Variants in NEXMIF observed in about 807,000 individuals in gnomAD.
NEXMIF encodes the protein neurite extension and migration factor, also known as XLMR protein related to neurite extension.
Under a neutral mutation model 62.1 loss-of-function variants are expected in NEXMIF, and 8 were observed. The observed-to-expected ratio is 0.13, with a 90% CI of 0.08 to 0.23. The LOEUF is 0.23. NEXMIF is among the 10% of genes least tolerant of loss of function. The probability of loss-of-function intolerance (pLI) is 1.00; values close to 1 mark genes in which losing one functional copy is unlikely to be tolerated. For synonymous variants in NEXMIF, 404 were observed against 416.6 expected, an observed-to-expected ratio of 0.97 and a Z score of 0.37; for missense variants, 976 against 1,113.3, an observed-to-expected ratio of 0.88 and a Z score of 1.75.
intron 1 of NEXMIF, among the ~76,000 whole-genome samples, chrX:74,791,184 G>C (rs1487119187): frequency 9.0e-6 from 1 of 111,711 alleles, no homozygotes; most frequent in African/African-American, 3.3e-5. Flanking sequence ...TTTTTAGCGT[G>C]AATGGTTGTT....
intron 1 of NEXMIF, among the ~76,000 whole-genome samples, chrX:74,842,870 C>T (rs1602247305): frequency 8.9e-6 from 1 of 112,033 alleles, no homozygotes; most frequent in African/African-American, 3.2e-5. Context: ...TTTGCAGTTG[C>T]TGACGATTGT....
chrX:74,791,940 A>AT (rs992323261), intron 1 of NEXMIF, among the ~76,000 whole-genome samples: 26 of 110,834 alleles, frequency 2.3e-4, no homozygotes, highest in Admixed American at 4.8e-4. Context: ...GGATTCACTG[A>AT]TTTTTTTGAA....
At chrX:74,904,037 C>T (rs960926900) in intron 1 of NEXMIF, among the ~76,000 whole-genome samples, 1 of 110,033 alleles carries the variant, frequency 9.1e-6, no homozygotes, top group African/African-American at 3.3e-5. Context: ...AGCACCCCAC[C>T]TCACTCCTCA....
chrX:74,865,522 C>A (rs2080575548), intron 1 of NEXMIF, among the ~76,000 whole-genome samples: 1 of 112,349 alleles, frequency 8.9e-6, no homozygotes, highest in Non-Finnish European at 1.9e-5. Context: ...ACTCAAGCCT[C>A]CTGCAGAAAT....
In NEXMIF at chrX:74,742,973, T is replaced by C. The variant is rs1316299208; in HGVS notation, c.1584A>G (p.Arg528=). 1.7e-6 allele frequency: 2 copies of C among 1,209,477 alleles called. No individual in the cohort carries two copies. Among genetic ancestry groups the C allele is most frequent in the Non-Finnish European group, 2.2e-6 (2 of 895,063 alleles). ...GGGGCTCCTTACGGGTTACTTTTCT[T>C]CTCTTTTTGGGACACCATTCATCAT... The part of the protein sequence containing the change: ...EDDDEWCPKK[R]RKVTRKEPPV... The change falls in exon 3 of 4, where the codon AGA becomes AGG. Residue 528 remains arginine (R), a synonymous_variant. Coordinates refer to ENST00000055682, the MANE Select transcript of NEXMIF (RefSeq NM_001008537.3).
At chrX:74,830,665 T>C (rs2080433128) in intron 1 of NEXMIF, among the ~76,000 whole-genome samples, 1 of 112,273 alleles carries the variant, frequency 8.9e-6, no homozygotes, top group Non-Finnish European at 1.9e-5. Context: ...TTAACAATAT[T>C]GATTCTTCCA....
chrX:74,763,660 T>A (rs1356125702), intron 1 of NEXMIF, among the ~76,000 whole-genome samples: 1 of 111,695 alleles, frequency 9.0e-6, no homozygotes, highest in Non-Finnish European at 1.9e-5. Flanking sequence ...TGGTTTGTAG[T>A]TCTCCTTAAA....
chrX:74,850,870 C>CA (rs1227554745), intron 1 of NEXMIF, among the ~76,000 whole-genome samples: 2 of 109,031 alleles, frequency 1.8e-5, no homozygotes, highest in African/African-American at 3.3e-5. Flanking sequence ...AAAAGATCCC[C>CA]AAAAAAAGAG....
At chrX:74,865,858 C>T (rs2147501822) in intron 1 of NEXMIF, among the ~76,000 whole-genome samples, 1 of 111,938 alleles carries the variant, frequency 8.9e-6, no homozygotes, top group Non-Finnish European at 1.9e-5. Flanking sequence ...TTGGGAACCT[C>T]TGCCTAGATT....
intron 1 of NEXMIF, among the ~76,000 whole-genome samples, chrX:74,915,685 G>A (rs1355430314): frequency 9.0e-6 from 1 of 111,450 alleles, no homozygotes; most frequent in Non-Finnish European, 1.9e-5. Context: ...AGGTAGAAGA[G>A]TGAGAGTCAG....
chrX:74,849,611 G>A (rs2080506044), intron 1 of NEXMIF, among the ~76,000 whole-genome samples: 1 of 112,706 alleles, frequency 8.9e-6, no homozygotes, highest in Admixed American at 9.3e-5. Flanking sequence ...AGCAGGCCTT[G>A]CATCTCCACA....
chrX:74,741,424 G>A lies in NEXMIF; in HGVS notation c.3133C>T (p.Pro1045Ser). 2.5e-6 allele frequency: 3 copies of A among 1,211,486 alleles called. No homozygotes were observed. Among genetic ancestry groups the A allele is most frequent in the Non-Finnish European group, 3.4e-6 (3 of 895,395 alleles). ...AGGAGGTCAGTGGACTCCTTTAGTG[G>A]TGCTATCTCATCAATGCTTTGCTGG... is the stretch of plus-strand genomic sequence containing the variant. ...VIQQSIDEIA[P>S]LKESTDLLDI... The change falls in exon 3 of 4, where the codon CCA becomes TCA. Residue 1045 changes from proline (P) to serine (S), a missense_variant. This residue lies in a region of NEXMIF where 639 missense variants were observed against 694.5 expected (regional missense o/e 0.92). Coordinates refer to ENST00000055682, the MANE Select transcript of NEXMIF (RefSeq NM_001008537.3).
chrX:74,767,893 G>C (rs1439295171), intron 1 of NEXMIF, among the ~76,000 whole-genome samples: 1 of 111,999 alleles, frequency 8.9e-6, no homozygotes, highest in Non-Finnish European at 1.9e-5. Flanking sequence ...ATCCTGCAAG[G>C]TTCCATGGAA....
intron 1 of NEXMIF, among the ~76,000 whole-genome samples, chrX:74,911,815 G>C (rs1424192265): frequency 2.7e-5 from 3 of 112,065 alleles, no homozygotes; most frequent in Non-Finnish European, 5.6e-5. Context: ...CCACAGCTTT[G>C]CACATACAGG....
chrX:74,853,074 T>C (rs889578082), intron 1 of NEXMIF, among the ~76,000 whole-genome samples: 12 of 111,031 alleles, frequency 1.1e-4, no homozygotes, highest in African/African-American at 3.9e-4. Context: ...CTGGGGTATA[T>C]ACCCTGGTTC....
intron 1 of NEXMIF, among the ~76,000 whole-genome samples, chrX:74,873,433 T>A (rs1002403429): frequency 3.6e-5 from 4 of 112,136 alleles, no homozygotes; most frequent in African/African-American, 9.7e-5. Flanking sequence ...CTATTGTGAA[T>A]AATGCCACAA....
chrX:74,787,530 A>T (rs2080265018), intron 1 of NEXMIF, among the ~76,000 whole-genome samples: 1 of 111,763 alleles, frequency 8.9e-6, no homozygotes, highest in African/African-American at 3.3e-5. Context: ...TGACTCTATT[A>T]CAAACCATTG....
intron 1 of NEXMIF, among the ~76,000 whole-genome samples, chrX:74,853,955 G>C (rs967403209): frequency 9.0e-6 from 1 of 111,595 alleles, no homozygotes; most frequent in Non-Finnish European, 1.9e-5. Flanking sequence ...TCTCAACAAA[G>C]AAAAGCCCAG....
intron 1 of NEXMIF, among the ~76,000 whole-genome samples, chrX:74,864,532 G>A (rs2080570226): frequency 9.0e-6 from 1 of 111,142 alleles, no homozygotes; most frequent in South Asian, 3.8e-4. Flanking sequence ...AAGTCTCAAG[G>A]GATCTGATGG....
Sources: gnomAD v4.1 joint callset for allele counts (sites outside exome capture counted in the v4.1 genomes callset) on GRCh38, gnomAD v4.1.1 for gene constraint, gnomAD v4.1.1 regional missense constraint, MANE v1.5 for transcripts, NCBI Gene and HGNC (gene_info 2026-07-23, HGNC 2026-07-21) for gene names.